The following RSL24D1 variants were observed in gnomAD, a reference collection of about 807,000 sequenced individuals.
RSL24D1 encodes ribosomal L24 domain containing 1, also known as probable ribosome biogenesis protein RLP24.
A neutral mutation model predicts 26.2 loss-of-function variants in RSL24D1; 6 were observed. That is an observed-to-expected ratio of 0.23 (90% CI 0.13 to 0.45). The LOEUF (loss-of-function observed/expected upper bound fraction) is 0.45. Ranked by LOEUF, RSL24D1 falls within the 20% of genes least tolerant of loss-of-function variation. RSL24D1 has a pLI of 0.99. For synonymous variants in RSL24D1, 61 were observed against 59.1 expected (o/e 1.03, Z -0.15); for missense variants, 176 against 202.6 (o/e 0.87, Z 0.80).
chr15:55,185,164 G>A (rs1220271938), intron 4 of RSL24D1, among the ~76,000 whole-genome samples, 198 bp downstream of exon 4: 1 of 152,142 alleles, frequency 6.6e-6, no homozygotes, highest in Non-Finnish European at 1.5e-5. Context: ...AAAGCATTAT[G>A]TCTTCAATAC....
Position 55,192,522 on chromosome 15 carries a change from G to A in RSL24D1, c.195+198C>T, listed in dbSNP as rs1894308626. 7.0e-6 allele frequency: 3 copies of A among 430,080 alleles called. No individual in the cohort carries two copies. In the South Asian group the frequency reaches 1.8e-4, roughly 26 times the overall value. 26.6% of individuals were successfully genotyped at this position (430,080 alleles called of 1,614,324 possible). On this transcript the variant is annotated intron_variant, in intron 2 of 5. Transcript: ENST00000260443. ...GTGATTTTCCTCTTGGTCTGCAAGA[G>A]CTAAAAATAGTAGCTCCACAGAATT...
intron 3 of RSL24D1, among the ~76,000 whole-genome samples, chr15:55,189,107 T>C (rs1375166332): frequency 1.3e-5 from 2 of 150,326 alleles, no homozygotes; most frequent in Admixed American, 1.3e-4. Flanking sequence ...GCAGGAAAAT[T>C]GCTTGAACCC....
chr15:55,187,752 G>C (rs753108922), intron 3 of RSL24D1, among the ~76,000 whole-genome samples: 9 of 151,920 alleles, frequency 5.9e-5, no homozygotes, highest in Admixed American at 1.3e-4. Flanking sequence ...AAGGGGGAGT[G>C]GGGTGGGGTA....
intron 2 of RSL24D1, among the ~76,000 whole-genome samples, chr15:55,191,629 G>A (rs1176727378): frequency 6.6e-6 from 1 of 152,136 alleles, no homozygotes; most frequent in Non-Finnish European, 1.5e-5. Flanking sequence ...CTCCAAACAC[G>A]GTTACCGTTG....
intron 1 of RSL24D1, chr15:55,195,418 T>C (rs535479464): frequency 6.6e-6 from 1 of 152,194 alleles, no homozygotes; most frequent in South Asian, 2.1e-4. Flanking sequence ...AGGCCCTCTA[T>C]CTTTTATTTC....
Position 55,196,880 on chromosome 15 carries a change from T to A in RSL24D1, c.11A>T (p.Glu4Val), listed in dbSNP as rs777526919. The part of the protein sequence containing the change: MRI[E>V]KCYFCSGPIY... ...GGGCCCCGAACAGAAATAACACTTT[T>A]CGATACGCATGTTGAACCCGCGTGT... The change falls in exon 1 of 6, where the codon GAA becomes GTA. Residue 4 changes from glutamate to valine, a missense_variant. By Grantham distance (121) the Glu-to-Val change is moderately radical (BLOSUM62 -2). Transcript: ENST00000260443. 2 of 1,614,126 alleles carry A rather than the reference T, an allele frequency of 1.2e-6. No individual in the cohort carries two copies. Among genetic ancestry groups the A allele is most frequent in the South Asian group, 2.2e-5 (2 of 91,084 alleles).
In RSL24D1 at chr15:55,185,475, G is replaced by C. The variant is rs376889525; in HGVS notation, c.269-50C>G. On this transcript the variant is annotated intron_variant, in intron 3 of 5. Coordinates refer to ENST00000260443, the MANE Select transcript of RSL24D1 (RefSeq NM_016304.3). Reference sequence around the variant, plus strand: ...AAATGTATGCACATTCAAGCGGTATGATCAACAACTGCATTAACAAACACT... The same window carrying C: ...AAATGTATGCACATTCAAGCGGTATCATCAACAACTGCATTAACAAACACT... The C allele has an allele frequency of 1.0e-3, 1,278 of 1,259,826 alleles. 8 individuals carry two copies. Among genetic ancestry groups the C allele is most frequent in the Non-Finnish European group, 7.6e-4 (667 of 880,274 alleles). 78.0% of individuals were successfully genotyped at this position (1,259,826 alleles called of 1,614,324 possible).
intron 3 of RSL24D1, among the ~76,000 whole-genome samples, chr15:55,188,177 C>T (rs1053410901): frequency 2.0e-5 from 3 of 152,038 alleles, no homozygotes. Context: ...TACTGAAATA[C>T]GAGGGGTGTG....
chr15:55,181,913 C>T lies in RSL24D1; in HGVS notation c.*239G>A, dbSNP rs1894171063. 2.4e-6 allele frequency: 1 copy of T among 423,218 alleles called. No homozygotes were observed. 26.2% of individuals were successfully genotyped at this position (423,218 alleles called of 1,614,324 possible). On this transcript the variant is annotated 3_prime_UTR_variant, in exon 6 of 6. Transcript: ENST00000260443. ...ACCATTTTACGTCCACAATTCACTT[C>T]TATAGTTACAAGTAGAATTTTCATG...
At position 55,181,430 on chromosome 15, in the gene RSL24D1, G is replaced by C. The variant is rs545952497; in HGVS notation, c.*722C>G. 2 of 152,696 alleles carry C rather than the reference G, an allele frequency of 1.3e-5. No individual in the cohort carries two copies. The highest frequency in any genetic ancestry group is 4.8e-5 in the African/African-American group (2 of 41,544). The allele number at this position is 152,696 out of a possible 1,614,324, so 9.5% of individuals were successfully genotyped here. ...GAAAACCACATAACAACTTTTAAAA[G>C]GCGCTGGGATTCCTCTGCTTCTAGA... On this transcript the variant is annotated 3_prime_UTR_variant, in exon 6 of 6. Transcript: ENST00000260443.
At chr15:55,184,040 G>A (rs188328150) in intron 4 of RSL24D1, among the ~76,000 whole-genome samples, 2 of 152,152 alleles carry the variant, frequency 1.3e-5, no homozygotes, top group Non-Finnish European at 2.9e-5. Flanking sequence ...CAAATCACAT[G>A]ATATTCAATA....
intron 1 of RSL24D1, chr15:55,196,603 G>A (rs1202279743): frequency 1.0e-5 from 6 of 600,554 alleles, no homozygotes; most frequent in African/African-American, 9.3e-5. Flanking sequence ...GGGTGGCGTG[G>A]TGGCCAGCGC....
At chr15:55,190,933 C>G (rs752255296) in intron 3 of RSL24D1, 42 bp downstream of exon 3, 1 of 1,315,280 alleles carries the variant, frequency 7.6e-7, no homozygotes, top group Non-Finnish European at 1.1e-6. Context: ...TTATCCCAAA[C>G]CAGTCTCTCC....
chr15:55,185,254 T>A, intron 4 of RSL24D1, 108 bp downstream of exon 4: 1 of 643,046 alleles, frequency 1.6e-6, no homozygotes, highest in South Asian at 2.6e-5. Context: ...AAGTTTTTGG[T>A]AAGTCTGAAG....
chr15:55,186,806 T>C (rs1894229286), intron 3 of RSL24D1, among the ~76,000 whole-genome samples: 1 of 149,644 alleles, frequency 6.7e-6, no homozygotes, highest in South Asian at 2.1e-4. Context: ...TATGTGAGAA[T>C]GCTCTTATTT....
Position 55,182,127 on chromosome 15 carries a change from A to G in RSL24D1, c.*25T>C. 4 of 1,449,212 alleles carry G rather than the reference A, an allele frequency of 2.8e-6. No homozygotes were observed. The highest frequency in any genetic ancestry group is 3.9e-6 in the Non-Finnish European group (4 of 1,033,542). 89.8% of individuals were successfully genotyped at this position (1,449,212 alleles called of 1,614,324 possible). A position where few individuals can be genotyped will look rare whatever the true frequency, so the allele number is the denominator to read the frequency against. On this transcript the variant is annotated 3_prime_UTR_variant, in exon 6 of 6. Transcript: ENST00000260443. ...ATCCAAAGGGCATTTTCAAATGTAC[A>G]TAAAAGAAATGGTTACAGAGATTTT...
In RSL24D1 at chr15:55,192,892, G is replaced by A. The variant is rs981686950; in HGVS notation, c.82-59C>T. 77 of 1,085,346 alleles carry A rather than the reference G, an allele frequency of 7.1e-5. No individual in the cohort carries two copies. In the East Asian group the frequency reaches 1.3e-3, roughly 19 times the overall value. The allele number at this position is 1,085,346 out of a possible 1,614,324, so 67.2% of individuals were successfully genotyped here. On this transcript the variant is annotated intron_variant, in intron 1 of 5. Transcript: ENST00000260443. ...ATTAAAAACTTTTCTATCACAAGAC[G>A]TTACCCCTGCTAGACAAAAAATACT...
At chr15:55,191,250 T>C (rs1342084156) in intron 2 of RSL24D1, among the ~76,000 whole-genome samples, 1 of 152,110 alleles carries the variant, frequency 6.6e-6, no homozygotes, top group African/African-American at 2.4e-5. Context: ...CATATACTAG[T>C]GATTCTCAAA....
chr15:55,183,420 A>G lies in RSL24D1; in HGVS notation c.333-20T>C, dbSNP rs181303264. On this transcript the variant is annotated intron_variant, in intron 4 of 5. Transcript: ENST00000260443. ...TTCAATCTACAACAAAACATATTAA[A>G]GCCAAAATTTCAGTTACTAACACTG... The G allele has an allele frequency of 4.0e-3, 6,399 of 1,590,738 alleles. 16 individuals are homozygous for G. Among genetic ancestry groups the G allele is most frequent in the Non-Finnish European group, 5.0e-3 (5,765 of 1,160,736 alleles).
Sources: gnomAD v4.1 joint callset for allele counts (sites outside exome capture counted in the v4.1 genomes callset) on GRCh38, gnomAD v4.1.1 for gene constraint, MANE v1.5 for transcripts, NCBI Gene and HGNC (gene_info 2026-07-23, HGNC 2026-07-21) for gene names.